Variants in DCC observed in about 807,000 individuals in gnomAD.
DCC encodes DCC netrin 1 receptor.
A neutral mutation model predicts 172.5 loss-of-function variants in DCC; 58 were observed. The ratio of observed to expected loss-of-function variants is 0.34; its 90% confidence interval spans 0.27 to 0.42. DCC has a LOEUF of 0.42. DCC is among the 10% of genes least tolerant of loss of function. DCC has a pLI of 1.00. For missense variants in DCC, 1,740 were observed against 1,791.0 expected, an observed-to-expected ratio of 0.97 and a Z score of 0.51; for synonymous variants, 709 against 644.5, an observed-to-expected ratio of 1.10 and a Z score of -1.52.
At chr18:53,263,455 A>G (rs1319128568) in intron 12 of DCC, among the ~76,000 whole-genome samples, 1 of 152,152 alleles carries the variant, frequency 6.6e-6, no homozygotes, top group African/African-American at 2.4e-5. Flanking sequence ...CCCAGCCTGA[A>G]GTGTGTAATT....
intron 5 of DCC, among the ~76,000 whole-genome samples, chr18:52,989,558 G>A (rs1420506212): frequency 6.6e-6 from 1 of 152,108 alleles, no homozygotes; most frequent in Non-Finnish European, 1.5e-5. Context: ...TGTGATTTTG[G>A]TGAAGTTAGT....
At chr18:52,625,229 T>G (rs2034551761) in intron 1 of DCC, among the ~76,000 whole-genome samples, 1 of 152,180 alleles carries the variant, frequency 6.6e-6, no homozygotes, top group African/African-American at 2.4e-5. Flanking sequence ...AGCATATAAC[T>G]ACATTATGTA....
chr18:52,955,747 G>C (rs570405413), intron 5 of DCC, among the ~76,000 whole-genome samples: 54 of 152,066 alleles, frequency 3.6e-4, no homozygotes, highest in African/African-American at 1.3e-3. Flanking sequence ...TATTCCAATA[G>C]GTTTGTAATG....
chr18:53,487,163 C>A (rs2045910862), intron 26 of DCC, among the ~76,000 whole-genome samples: 1 of 152,184 alleles, frequency 6.6e-6, no homozygotes, highest in South Asian at 2.1e-4. Flanking sequence ...CCACAGCACA[C>A]TCCACTGACA....
At chr18:52,977,343 T>C (rs1433568360) in intron 5 of DCC, among the ~76,000 whole-genome samples, 2 of 152,066 alleles carry the variant, frequency 1.3e-5, no homozygotes, top group African/African-American at 2.4e-5. Context: ...GCCCCAGGGA[T>C]TCTGATTTAT....
At chr18:53,105,777 T>G (rs1598807030) in intron 7 of DCC, among the ~76,000 whole-genome samples, 1 of 151,772 alleles carries the variant, frequency 6.6e-6, no homozygotes, top group South Asian at 2.1e-4. Context: ...TTGCAGCGAA[T>G]AGGTTATTTT....
chr18:52,352,856 G>A (rs1160125409), intron 1 of DCC, among the ~76,000 whole-genome samples: 1 of 152,212 alleles, frequency 6.6e-6, no homozygotes, highest in Non-Finnish European at 1.5e-5. Flanking sequence ...TGCAGTCCAG[G>A]AATCAAGGCA....
chr18:53,220,449 A>G (rs1598918452), intron 12 of DCC, among the ~76,000 whole-genome samples: 2 of 152,244 alleles, frequency 1.3e-5, no homozygotes, highest in Middle Eastern at 3.4e-3. Context: ...TGTCTCCCTA[A>G]GTCCTTTATA....
At chr18:53,467,266 T>C (rs2045633329) in intron 24 of DCC, among the ~76,000 whole-genome samples, 1 of 152,090 alleles carries the variant, frequency 6.6e-6, no homozygotes, top group South Asian at 2.1e-4. Flanking sequence ...AGAACTTCAG[T>C]TTTTTTAATA....
chr18:52,497,301 A>G (rs1405684925), intron 1 of DCC, among the ~76,000 whole-genome samples: 6 of 100,666 alleles, frequency 6.0e-5, no homozygotes, highest in South Asian at 3.3e-4. Flanking sequence ...ATATATATAT[A>G]TATATATATA....
chr18:53,274,445 A>G (rs990237243), intron 12 of DCC, among the ~76,000 whole-genome samples: 1 of 152,168 alleles, frequency 6.6e-6, no homozygotes, highest in Non-Finnish European at 1.5e-5. Context: ...AATTGAATCA[A>G]TTGCAATATG....
chr18:52,891,203 T>A (rs572754032), intron 2 of DCC, among the ~76,000 whole-genome samples: 196 of 152,216 alleles, frequency 1.3e-3, no homozygotes, highest in African/African-American at 4.5e-3. Flanking sequence ...CTAGGCTTGT[T>A]TTTAAGCTCC....
chr18:52,945,138 G>A (rs1012901081), intron 5 of DCC, among the ~76,000 whole-genome samples: 4 of 152,138 alleles, frequency 2.6e-5, no homozygotes, highest in African/African-American at 9.7e-5. Context: ...ATTCTCCAAA[G>A]TAACCTCTAA....
chr18:52,685,507 G>A (rs778595811), intron 1 of DCC, among the ~76,000 whole-genome samples: 2 of 152,196 alleles, frequency 1.3e-5, no homozygotes, highest in South Asian at 2.1e-4. Context: ...AGGTGTTTGG[G>A]GGTGGTACCT....
chr18:53,407,527 G>GTATATATATATATA (rs1568112623), intron 19 of DCC, among the ~76,000 whole-genome samples: 1 of 31,914 alleles, frequency 3.1e-5, no homozygotes, highest in Non-Finnish European at 6.6e-5. Flanking sequence ...TTTTTATTCT[G>GTATATATATATATA]GATATATATA....
chr18:53,459,544 C>T (rs1446070295), intron 24 of DCC, 86 bp downstream of exon 24: 1 of 863,270 alleles, frequency 1.2e-6, no homozygotes, highest in East Asian at 2.5e-5. Flanking sequence ...AATGTCTTCC[C>T]TACTAATTTG....
chr18:52,927,769 C>G (rs8096650), intron 5 of DCC, among the ~76,000 whole-genome samples: 59,910 of 151,706 alleles, frequency 0.39, 12,409 homozygotes, highest in Non-Finnish European at 0.47. Flanking sequence ...ACAGATATTG[C>G]CGGGGTTGTG....
intron 5 of DCC, among the ~76,000 whole-genome samples, chr18:53,051,319 T>C (rs554059977): frequency 1.3e-5 from 2 of 152,280 alleles, no homozygotes; most frequent in African/African-American, 4.8e-5. Flanking sequence ...ATAGCAGATT[T>C]ACCTTCTCAT....
chr18:53,041,787 C>T (rs987308820), intron 5 of DCC, among the ~76,000 whole-genome samples: 6 of 151,814 alleles, frequency 4.0e-5, no homozygotes, highest in African/African-American at 1.5e-4. Flanking sequence ...ATTTGTGAAT[C>T]GGAGTTTGTT....
Sources: gnomAD v4.1 joint callset for allele counts (sites outside exome capture counted in the v4.1 genomes callset) on GRCh38, gnomAD v4.1.1 for gene constraint, MANE v1.5 for transcripts, NCBI Gene and HGNC (gene_info 2026-07-23, HGNC 2026-07-21) for gene names.